The following SERINC5 variants were observed in gnomAD, a reference collection of about 807,000 sequenced individuals.
The protein encoded by SERINC5 is serine incorporator 5.
In SERINC5, 41 loss-of-function variants were observed where a neutral mutation model predicts 63.1. The observed-to-expected ratio is 0.65, with a 90% confidence interval of 0.51 to 0.84. The LOEUF is 0.84. Among genes scored for constraint, SERINC5 ranks in the 40% least tolerant of loss-of-function variants. SERINC5 has a pLI of 0.00. For synonymous variants in SERINC5, 222 were observed against 215.2 expected, an observed-to-expected ratio of 1.03 and a Z score of -0.28; for missense variants, 523 against 573.0, an observed-to-expected ratio of 0.91 and a Z score of 0.89.
intron 1 of SERINC5, among the ~76,000 whole-genome samples, chr5:80,255,377 A>G (rs1458359747): frequency 6.6e-6 from 1 of 151,970 alleles, no homozygotes; most frequent in African/African-American, 2.4e-5. Context: ...GTAGTTTGGA[A>G]GTCAGGCTTC....
chr5:80,240,297 C>A (rs1364239389), intron 1 of SERINC5, among the ~76,000 whole-genome samples: 3 of 152,202 alleles, frequency 2.0e-5, no homozygotes, highest in Non-Finnish European at 4.4e-5. Flanking sequence ...CTCAACTGCT[C>A]AAAAGCCTAA....
chr5:80,248,248 A>G (rs1752244833), intron 1 of SERINC5, among the ~76,000 whole-genome samples: 1 of 152,328 alleles, frequency 6.6e-6, no homozygotes, highest in African/African-American at 2.4e-5. Flanking sequence ...TGCCAACATC[A>G]CTACTCTTGC....
At chr5:80,222,548 G>A (rs1007658573) in intron 1 of SERINC5, among the ~76,000 whole-genome samples, 2 of 124,928 alleles carry the variant, frequency 1.6e-5, no homozygotes, top group Non-Finnish European at 3.5e-5. Context: ...GGTTTTTTGT[G>A]GGTGAGTGTG....
intron 1 of SERINC5, among the ~76,000 whole-genome samples, chr5:80,212,661 G>T (rs956794855): frequency 1.8e-4 from 24 of 136,122 alleles, no homozygotes; most frequent in African/African-American, 5.1e-4. Flanking sequence ...GGGCAGTGGT[G>T]GGGTGGGGGG....
At position 80,141,452 on chromosome 5, in the gene SERINC5, C is replaced by G. The variant is rs1192385880; in HGVS notation, c.*2211G>C. The G allele has an allele frequency of 1.0e-6, 1 of 982,934 alleles. No homozygotes were observed. Among genetic ancestry groups the G allele is most frequent in the Non-Finnish European group, 1.2e-6 (1 of 829,988 alleles). 60.9% of individuals were successfully genotyped at this position (982,934 alleles called of 1,614,324 possible). A position where few individuals can be genotyped will look rare whatever the true frequency, so the allele number is the denominator to read the frequency against. ...GGCCTTGTCAGCTGGACCTTGACTG[C>G]GCGTAAGGTCAGTTTCTCAAATCAC... is the stretch of plus-strand genomic sequence containing the variant. On this transcript the variant is annotated 3_prime_UTR_variant, in exon 12 of 12. Transcript: ENST00000507668.
Position 80,128,050 on chromosome 5 carries a change from G to A in SERINC5, c.1239-14425C>T, listed in dbSNP as rs1177567249. 2.6e-5 allele frequency among the ~76,000 whole-genome samples: 4 copies of A among 152,030 alleles called. No homozygotes were observed. In the East Asian group the frequency reaches 7.7e-4, roughly 29 times the overall value. On this transcript the variant is annotated intron_variant, in intron 11 of 12. Coordinates refer to the SERINC5 transcript ENST00000509193. The stretch of plus-strand genomic sequence containing the variant: ...TTATAAATTTTTACTAATATTTTGA[G>A]TCTAATGAATCAGTCTCTTTACTTA...
At chr5:80,176,614 G>C (rs1441859288) in intron 4 of SERINC5, among the ~76,000 whole-genome samples, 1 of 152,078 alleles carries the variant, frequency 6.6e-6, no homozygotes, top group African/African-American at 2.4e-5. Flanking sequence ...ATATTTTTTA[G>C]TAGAGATGAG....
intron 1 of SERINC5, among the ~76,000 whole-genome samples, chr5:80,241,479 A>T (rs1052476850): frequency 1.3e-5 from 2 of 152,130 alleles, no homozygotes; most frequent in Non-Finnish European, 2.9e-5. Context: ...AATAATAATA[A>T]GAAGAAGAAA....
chr5:80,207,478 G>C (rs989585830), intron 1 of SERINC5, among the ~76,000 whole-genome samples: 1 of 152,152 alleles, frequency 6.6e-6, no homozygotes, highest in African/African-American at 2.4e-5. Context: ...ACATCACTGT[G>C]AGCCTAATTG....
At position 80,224,969 on chromosome 5, in the gene SERINC5, T is replaced by C. The variant is rs1347421587; in HGVS notation, c.28-21916A>G. 4.6e-5 allele frequency among the ~76,000 whole-genome samples: 7 copies of C among 151,364 alleles called. No homozygotes were observed. In the East Asian group the frequency reaches 1.4e-3, roughly 29 times the overall value. The stretch of plus-strand genomic sequence containing the variant: ...TGTTTTTTTTTTTTTTAGACAAGTT[T>C]TGCTCTTGTTGCCCAGGCTGGAGTG... On this transcript the variant is annotated intron_variant, in intron 1 of 11. Transcript: ENST00000507668.
At chr5:80,205,582 G>A (rs1456321057) in intron 1 of SERINC5, among the ~76,000 whole-genome samples, 1 of 152,132 alleles carries the variant, frequency 6.6e-6, no homozygotes, top group Admixed American at 6.5e-5. Context: ...TGAGTAGGAC[G>A]TGGGCCCAGA....
chr5:80,189,212 T>C (rs1408781017), intron 2 of SERINC5, among the ~76,000 whole-genome samples: 1 of 152,012 alleles, frequency 6.6e-6, no homozygotes, highest in East Asian at 1.9e-4. Context: ...ACTCTGGAAT[T>C]AGGGGTAATA....
intron 11 of SERINC5, among the ~76,000 whole-genome samples, chr5:80,120,973 C>T (rs1027719811): frequency 5.3e-5 from 8 of 152,084 alleles, no homozygotes; most frequent in East Asian, 3.9e-4. Context: ...CTGCAACCTC[C>T]GCCTCCCAGG....
At chr5:80,131,818 C>T (rs1744959751) in intron 11 of SERINC5, among the ~76,000 whole-genome samples, 1 of 152,048 alleles carries the variant, frequency 6.6e-6, no homozygotes, top group South Asian at 2.1e-4. Flanking sequence ...GGTCTCTTTC[C>T]TTTTTCCTTG....
chr5:80,177,856 A>G, intron 3 of SERINC5, 30 bp downstream of exon 3: 1 of 1,557,264 alleles, frequency 6.4e-7, no homozygotes. Context: ...GAAAGGAGAA[A>G]GCAATCCCCA....
In SERINC5 at chr5:80,232,131, A is replaced by G. The variant is rs539237741; in HGVS notation, c.27+23765T>C. Among the ~76,000 whole-genome samples, 542 of 147,702 alleles carry G rather than the reference A, an allele frequency of 3.7e-3. 7 individuals are homozygous for G. Among genetic ancestry groups the G allele is most frequent in the African/African-American group, 9.2e-3 (366 of 39,652 alleles). ...AAAAAAAAAAAAAAAAAGGCCGGGCAAGGTGGCTCACGCCTGTAATCCCAG... is the reference window on the plus strand; with the variant it reads ...AAAAAAAAAAAAAAAAAGGCCGGGCGAGGTGGCTCACGCCTGTAATCCCAG... On this transcript the variant is annotated intron_variant, in intron 1 of 11. Transcript: ENST00000507668.
chr5:80,139,076 T>C lies in SERINC5; in HGVS notation c.*4587A>G. The C allele has an allele frequency of 1.0e-6, 1 of 983,558 alleles. No individual in the cohort carries two copies. The highest frequency in any genetic ancestry group is 1.2e-6 in the Non-Finnish European group (1 of 828,202). 60.9% of individuals were successfully genotyped at this position (983,558 alleles called of 1,614,324 possible). ...AAAATTCGAATCATATCAGAGACCA[T>C]TATAAATTTCAAACAGTAGATTTAC... On this transcript the variant is annotated 3_prime_UTR_variant, in exon 12 of 12. Transcript: ENST00000507668.
chr5:80,222,262 T>A (rs561908836), intron 1 of SERINC5, among the ~76,000 whole-genome samples: 1 of 152,238 alleles, frequency 6.6e-6, no homozygotes, highest in East Asian at 1.9e-4. Context: ...TCTGCTACGC[T>A]ATGCTCCCTG....
At chr5:80,174,543 A>G (rs2112404648) in intron 5 of SERINC5, among the ~76,000 whole-genome samples, 1 of 152,228 alleles carries the variant, frequency 6.6e-6, no homozygotes, top group Admixed American at 6.5e-5. Context: ...AAGAAAAGGT[A>G]CTTTAGTTGT....
Sources: allele counts gnomAD v4.1 joint callset (sites outside exome capture counted in the v4.1 genomes callset), GRCh38; gene constraint gnomAD v4.1.1; transcripts MANE v1.5; gene names NCBI Gene and HGNC (gene_info 2026-07-23, HGNC 2026-07-21).